Variants in ANGPT2 observed in about 807,000 individuals in gnomAD.
ANGPT2 encodes angiopoietin-2.
Under a neutral mutation model 62.9 loss-of-function variants are expected in ANGPT2, and 28 were observed. The observed-to-expected ratio is 0.44, with a 90% CI of 0.33 to 0.61. ANGPT2 has a LOEUF of 0.61. Ranked by LOEUF, ANGPT2 falls within the 20% of genes least tolerant of loss-of-function variation. ANGPT2 has a pLI of 0.03. For missense variants in ANGPT2, 727 were observed against 594.9 expected (o/e 1.22, Z -2.31); for synonymous variants, 284 against 207.8 (o/e 1.37, Z -3.15).
Position 6,513,793 on chromosome 8 carries a change from G to T in ANGPT2, c.1081C>A (p.Gln361Lys), listed in dbSNP as rs757679009. ...EYWLGNEFVS[Q>K]LTNQQRYVLK... ...ACATAGCGTTGCTGATTAGTCAGTT[G>T]CGAAACAAACTCATTTCCCAGCCAA... The change falls in exon 7 of 9, where the codon CAA (glutamine) becomes AAA (lysine). Residue 361 changes from glutamine (Q) to lysine (K), a missense_variant. By Grantham distance (53) the Gln-to-Lys change is moderately conservative. Coordinates refer to ENST00000629816, the MANE Select transcript of ANGPT2 (RefSeq NM_001118887.2). 6.2e-6 allele frequency: 10 copies of T among 1,613,916 alleles called. No individual in the cohort carries two copies. In the Admixed American group the frequency reaches 1.7e-4, roughly 27 times the overall value.
At chr8:6,535,334 T>C (rs1404118598) in intron 1 of ANGPT2, among the ~76,000 whole-genome samples, 1 of 152,210 alleles carries the variant, frequency 6.6e-6, no homozygotes, top group Non-Finnish European at 1.5e-5. Context: ...CAATTTGAAA[T>C]TAAACTTAGG....
intron 8 of ANGPT2, among the ~76,000 whole-genome samples, chr8:6,505,821 A>G (rs1490290245): frequency 7.2e-6 from 1 of 139,682 alleles, no homozygotes; most frequent in Admixed American, 7.3e-5. Flanking sequence ...TTATATATGT[A>G]TATATAAAAA....
chr8:6,511,897 TTC>T (rs1491433899), intron 7 of ANGPT2, among the ~76,000 whole-genome samples: 1 of 120,250 alleles, frequency 8.3e-6, no homozygotes, highest in African/African-American at 3.1e-5. Context: ...ATTTTTGTGC[TTC>T]TTTTTTTTTT....
rs562425494 is a variant in ANGPT2, at chr8:6,528,653, G to A, written c.445-977C>T. On this transcript the variant is annotated intron_variant, in intron 2 of 8. Coordinates refer to ENST00000629816, the MANE Select transcript of ANGPT2 (RefSeq NM_001118887.2). ...GCGGCTCTCCCGCGGATTCTCTAGC[G>A]CCTGGTTGCCCTTCAGCAGGAAGAA... is the stretch of plus-strand genomic sequence containing the variant. Among the ~76,000 whole-genome samples the A allele has an allele frequency of 1.1e-4, 16 of 152,362 alleles. No homozygotes were observed. In the East Asian group the frequency reaches 1.5e-3, roughly 15 times the overall value.
chr8:6,537,545 C>CATAT (rs35477464), intron 1 of ANGPT2, among the ~76,000 whole-genome samples: 3,027 of 149,000 alleles, frequency 0.02, 43 homozygotes, highest in South Asian at 0.035. Context: ...TTTAATGCAA[C>CATAT]ATATATATAT....
At chr8:6,514,007 A>G (rs1444916282) in intron 6 of ANGPT2, among the ~76,000 whole-genome samples, 163 bp from the exon 7 acceptor site, 1 of 152,202 alleles carries the variant, frequency 6.6e-6, no homozygotes, top group African/African-American at 2.4e-5. Context: ...TGGATTTTAA[A>G]TAGGTCAGTT....
chr8:6,548,442 C>G (rs1050071713), intron 1 of ANGPT2, among the ~76,000 whole-genome samples: 1 of 152,118 alleles, frequency 6.6e-6, no homozygotes, highest in Non-Finnish European at 1.5e-5. Context: ...AACCATTATC[C>G]CCAGTGGTCG....
rs750035675 is a variant in ANGPT2 at position 6,521,238 on chromosome 8, G to C, written c.739C>G (p.Gln247Glu). ...ATVNNSVLQK[Q>E]QHDLMETVNN... ...ACTGTCTCCATGAGATCATGTTGCT[G>C]CTTCTGAAGAACTGAATTATTCACC... is the stretch of plus-strand genomic sequence containing the variant. Residue 247 changes from glutamine to glutamate, a missense_variant, in exon 4 of 9, where the codon CAG (glutamine) becomes GAG (glutamate). Coordinates refer to ENST00000629816, the MANE Select transcript of ANGPT2 (RefSeq NM_001118887.2). 1 of 1,613,918 alleles carries C rather than the reference G, an allele frequency of 6.2e-7. No individual in the cohort carries two copies. The highest frequency in any genetic ancestry group is 8.5e-7 in the Non-Finnish European group (1 of 1,179,948).
chr8:6,556,560 C>T (rs542060495), intron 1 of ANGPT2, among the ~76,000 whole-genome samples: 78 of 152,264 alleles, frequency 5.1e-4, no homozygotes, highest in Middle Eastern at 3.4e-3. Flanking sequence ...CTACACTACA[C>T]GTTCTGACCA....
rs1812383858 is a variant in ANGPT2 at position 6,502,483 on chromosome 8, A to G, written c.*618T>C. 6.6e-6 allele frequency: 1 copy of G among 152,270 alleles called. No individual in the cohort carries two copies. The highest frequency in any genetic ancestry group is 1.5e-5 in the Non-Finnish European group (1 of 68,062). 9.4% of individuals were successfully genotyped at this position (152,270 alleles called of 1,614,324 possible). The stretch of plus-strand genomic sequence containing the variant: ...GCATTAACTTATAACTAAGCTGTCA[A>G]CATAAATGTAAATACGCTGTTTTTG... On this transcript the variant is annotated 3_prime_UTR_variant, in exon 9 of 9. Transcript: ENST00000629816.
chr8:6,544,997 C>T (rs931110000), intron 1 of ANGPT2, among the ~76,000 whole-genome samples: 1 of 152,164 alleles, frequency 6.6e-6, no homozygotes, highest in Non-Finnish European at 1.5e-5. Flanking sequence ...TCATGCTCTG[C>T]AGTTCCATTT....
At chr8:6,523,512 G>A (rs756926092) in intron 3 of ANGPT2, among the ~76,000 whole-genome samples, 1 of 152,202 alleles carries the variant, frequency 6.6e-6, no homozygotes, top group Non-Finnish European at 1.5e-5. Flanking sequence ...TAGAGACTAT[G>A]TATTTGAGAA....
intron 1 of ANGPT2, among the ~76,000 whole-genome samples, chr8:6,561,418 C>T (rs958425299): frequency 2.0e-5 from 3 of 152,182 alleles, no homozygotes; most frequent in Admixed American, 2.0e-4. Context: ...ATAACTTAGT[C>T]GTTTCCTCTC....
At chr8:6,508,769 TA>T (rs924897557) in intron 8 of ANGPT2, 162 bp downstream of exon 8, 17 of 1,027,158 alleles carry the variant, frequency 1.7e-5, no homozygotes, top group African/African-American at 1.1e-4. Flanking sequence ...AAACTTAGTC[TA>T]AAAAAAGTGA....
intron 2 of ANGPT2, among the ~76,000 whole-genome samples, chr8:6,529,596 A>T (rs1218247854): frequency 6.7e-6 from 1 of 149,662 alleles, no homozygotes; most frequent in Non-Finnish European, 1.5e-5. Context: ...AACTGGGTCT[A>T]TAAGTGCACA....
chr8:6,546,778 C>T (rs1420247569), intron 1 of ANGPT2, among the ~76,000 whole-genome samples: 8 of 152,192 alleles, frequency 5.3e-5, no homozygotes, highest in African/African-American at 9.7e-5. Flanking sequence ...CTCTTCCTCC[C>T]CTTCCCCCAA....
At chr8:6,538,678 TTG>T (rs1464550914) in intron 1 of ANGPT2, among the ~76,000 whole-genome samples, 2 of 152,260 alleles carry the variant, frequency 1.3e-5, no homozygotes, top group Non-Finnish European at 2.9e-5. Flanking sequence ...GATACTCGTT[TTG>T]TGTTTCCTTT....
rs201475579 is a variant in ANGPT2 at position 6,511,552 on chromosome 8, G to GA, written c.1196+2125dup. On this transcript the variant is annotated intron_variant, in intron 7 of 8. Transcript: ENST00000629816. ...AACACTTGGGGAACATTTCTTCTGG[G>GA]AAAAAAAAATCCCTTACATGCTGCA... 7.8e-3 allele frequency among the ~76,000 whole-genome samples: 1,185 copies of GA among 151,128 alleles called. 17 individuals are homozygous for GA. Among genetic ancestry groups the GA allele is most frequent in the African/African-American group, 0.026 (1,068 of 41,264 alleles).
At chr8:6,529,268 C>A (rs1457445758) in intron 2 of ANGPT2, among the ~76,000 whole-genome samples, 1 of 152,184 alleles carries the variant, frequency 6.6e-6, no homozygotes, top group African/African-American at 2.4e-5. Flanking sequence ...TCCAGCCACC[C>A]ATTGTTGCTC....
Sources: allele counts gnomAD v4.1 joint callset (sites outside exome capture counted in the v4.1 genomes callset), GRCh38; gene constraint gnomAD v4.1.1; transcripts MANE v1.5; gene names NCBI Gene and HGNC (gene_info 2026-07-23, HGNC 2026-07-21).